CCDC169: variants seen among roughly 807,000 people sequenced by gnomAD.
The protein encoded by CCDC169 is coiled-coil domain-containing protein 169.
In CCDC169, 30 loss-of-function variants were observed where a neutral mutation model predicts 36.0. The observed-to-expected ratio is 0.83, with a 90% CI of 0.62 to 1.13. The LOEUF (loss-of-function observed/expected upper bound fraction) is 1.13, where lower values mean the gene tolerates loss of function less well. CCDC169 is among the 50% of genes most tolerant of loss of function. The pLI, the probability that CCDC169 is intolerant of heterozygous loss-of-function variation, is 0.00. For missense variants in CCDC169, 245 were observed against 245.9 expected, an observed-to-expected ratio of 1.00 and a Z score of 0.03; for synonymous variants, 85 against 81.5, an observed-to-expected ratio of 1.04 and a Z score of -0.23.
At chr13:36,231,558 T>A (rs1870433087) in intron 7 of CCDC169, among the ~76,000 whole-genome samples, 1 of 152,194 alleles carries the variant, frequency 6.6e-6, no homozygotes, top group African/African-American at 2.4e-5. Flanking sequence ...TGCCCTAATG[T>A]GGAAAGTTCT....
intron 4 of CCDC169, among the ~76,000 whole-genome samples, chr13:36,263,362 C>G (rs1317927466): frequency 2.6e-5 from 4 of 152,102 alleles, no homozygotes; most frequent in African/African-American, 9.7e-5. Flanking sequence ...TGGTCATGAT[C>G]TAGGTCACTA....
chr13:36,284,928 G>A (rs1412304688), intron 2 of CCDC169, among the ~76,000 whole-genome samples: 1 of 152,112 alleles, frequency 6.6e-6, no homozygotes, highest in Non-Finnish European at 1.5e-5. Context: ...CTCCCATACT[G>A]AAACTGAAAG....
chr13:36,228,373 TC>T (rs1305381048), downstream of CCDC169, among the ~76,000 whole-genome samples: 1 of 152,172 alleles, frequency 6.6e-6, no homozygotes, highest in Non-Finnish European at 1.5e-5. Flanking sequence ...AAATGGTATG[TC>T]TTGATATTTT....
chr13:36,271,264 T>G (rs988032369), intron 4 of CCDC169, among the ~76,000 whole-genome samples: 5 of 152,164 alleles, frequency 3.3e-5, no homozygotes, highest in African/African-American at 1.2e-4. Context: ...AAATAGATGT[T>G]GGCATGGATG....
chr13:36,261,662 G>A (rs1874629547), intron 4 of CCDC169, among the ~76,000 whole-genome samples: 2 of 152,282 alleles, frequency 1.3e-5, no homozygotes, highest in Non-Finnish European at 1.5e-5. Flanking sequence ...GGGGCTCAAA[G>A]CATATGAGTT....
chr13:36,234,736 C>A (rs112711085), intron 7 of CCDC169, among the ~76,000 whole-genome samples: 7 of 151,938 alleles, frequency 4.6e-5, no homozygotes, highest in Non-Finnish European at 7.4e-5. Context: ...CAAAACTATC[C>A]TTCTAAAATA....
intron 4 of CCDC169, among the ~76,000 whole-genome samples, chr13:36,275,040 T>C (rs1876601967): frequency 6.6e-6 from 1 of 152,044 alleles, no homozygotes; most frequent in African/African-American, 2.4e-5. Flanking sequence ...GGCTAATTTT[T>C]TGTATTTTTA....
In CCDC169 at chr13:36,257,239, T is replaced by C. The variant is rs139454621; in HGVS notation, c.316-3096A>G. Reference sequence around the variant, plus strand: ...CATGGCAGCCCCTAGCTCAGGCCATTTCAGGCCCCATCTAGCCCTACAGCA... The same window carrying C: ...CATGGCAGCCCCTAGCTCAGGCCATCTCAGGCCCCATCTAGCCCTACAGCA... On this transcript the variant is annotated intron_variant, in intron 4 of 7. Transcript: ENST00000239859. Among the ~76,000 whole-genome samples the C allele has an allele frequency of 3.9e-3, 600 of 152,266 alleles. 7 individuals are homozygous for C. The highest frequency in any genetic ancestry group is 0.014 in the African/African-American group (566 of 41,564).
intron 2 of CCDC169, among the ~76,000 whole-genome samples, chr13:36,285,822 C>T (rs992161415): frequency 6.6e-6 from 1 of 152,172 alleles, no homozygotes; most frequent in African/African-American, 2.4e-5. Flanking sequence ...ACAAGACACA[C>T]AGACCTTGTA....
chr13:36,227,108 A>G, downstream of CCDC169: 1 of 791,186 alleles, frequency 1.3e-6, no homozygotes. Flanking sequence ...AGTGGGTCCC[A>G]ATCTTTTCTG....
intron 7 of CCDC169, among the ~76,000 whole-genome samples, chr13:36,246,183 C>T (rs1449939052): frequency 1.3e-5 from 2 of 152,182 alleles, no homozygotes; most frequent in African/African-American, 2.4e-5. Context: ...AAGAGTTGCA[C>T]ATCTCTCACT....
chr13:36,293,326 G>A (rs1879127164), intron 2 of CCDC169, among the ~76,000 whole-genome samples: 1 of 152,022 alleles, frequency 6.6e-6, no homozygotes, highest in South Asian at 2.1e-4. Context: ...TATGACCTAT[G>A]TTCCATTTTT....
At chr13:36,227,264 G>T (rs769279522), downstream of CCDC169, 1 of 1,551,452 alleles carries the variant, frequency 6.4e-7, no homozygotes, top group South Asian at 1.2e-5. Flanking sequence ...AGGCGGGCCA[G>T]AGTGCTTTTT....
chr13:36,242,904 G>A (rs1489734927), intron 7 of CCDC169, among the ~76,000 whole-genome samples: 2 of 152,194 alleles, frequency 1.3e-5, no homozygotes, highest in African/African-American at 4.8e-5. Flanking sequence ...AGGGGGTGGG[G>A]AGGAATGAGT....
In CCDC169 at chr13:36,255,554, C is replaced by T. The variant is rs925254999; in HGVS notation, c.316-1411G>A. On this transcript the variant is annotated intron_variant, in intron 4 of 7. Coordinates refer to ENST00000239859, the MANE Select transcript of CCDC169 (RefSeq NM_001144981.3). ...GCGCATGCCTGTAATCCCAGCTACTCGGCAGGCTGAGGAAGGAGAATCGCT... is the reference window on the plus strand; with the variant it reads ...GCGCATGCCTGTAATCCCAGCTACTTGGCAGGCTGAGGAAGGAGAATCGCT... Among the ~76,000 whole-genome samples the T allele has an allele frequency of 2.0e-5, 3 of 150,728 alleles. No individual in the cohort carries two copies. The South Asian group carries it at 6.4e-4, about 32-fold the overall frequency.
intron 7 of CCDC169, among the ~76,000 whole-genome samples, chr13:36,233,131 C>T (rs1870636076): frequency 6.6e-6 from 1 of 152,178 alleles, no homozygotes; most frequent in South Asian, 2.1e-4. Flanking sequence ...CACACACACA[C>T]AGAGCCCATC....
chr13:36,272,334 G>A lies in CCDC169; in HGVS notation c.315+11135C>T, dbSNP rs529976638. ...TAACAATGGAGTCCCATGTTTCGCA[G>A]TAATGGGTCTGCTTTAGTAGCTCCA... On this transcript the variant is annotated intron_variant, in intron 4 of 7. Transcript: ENST00000239859. Among the ~76,000 whole-genome samples, 5 of 152,078 alleles carry A rather than the reference G, an allele frequency of 3.3e-5. No homozygotes were observed. The East Asian group carries it at 5.8e-4, about 18-fold the overall frequency.
chr13:36,263,738 G>T (rs974833442), intron 4 of CCDC169, among the ~76,000 whole-genome samples: 1 of 152,144 alleles, frequency 6.6e-6, no homozygotes, highest in Non-Finnish European at 1.5e-5. Flanking sequence ...CTAGTATCAT[G>T]AATGGTTTCC....
chr13:36,295,393 A>G (rs773677582), intron 2 of CCDC169, among the ~76,000 whole-genome samples: 2 of 152,178 alleles, frequency 1.3e-5, no homozygotes, highest in African/African-American at 4.8e-5. Flanking sequence ...TCTTCCAACA[A>G]CAATAGCTAA....
Sources: gnomAD v4.1 joint callset for allele counts (sites outside exome capture counted in the v4.1 genomes callset) on GRCh38, gnomAD v4.1.1 for gene constraint, MANE v1.5 for transcripts, NCBI Gene and HGNC (gene_info 2026-07-23, HGNC 2026-07-21) for gene names.